The following PHACTR2 variants were observed in gnomAD, a reference collection of about 807,000 sequenced individuals.
PHACTR2 encodes the protein chromosome 6 open reading frame 56.
Under a neutral mutation model 76.0 loss-of-function variants are expected in PHACTR2, and 30 were observed. The ratio of observed to expected loss-of-function variants is 0.39; its 90% confidence interval spans 0.30 to 0.54. The LOEUF (loss-of-function observed/expected upper bound fraction) is 0.54. PHACTR2 is among the 20% of genes least tolerant of loss of function. The pLI is 0.61. For synonymous variants in PHACTR2, 292 were observed against 292.5 expected, an observed-to-expected ratio of 1.00 and a Z score of 0.02; for missense variants, 696 against 781.1, an observed-to-expected ratio of 0.89 and a Z score of 1.30.
intron 1 of PHACTR2, among the ~76,000 whole-genome samples, chr6:143,609,484 G>C (rs989671543): frequency 1.3e-5 from 2 of 152,150 alleles, no homozygotes; most frequent in African/African-American, 4.8e-5. Flanking sequence ...AGTAGCAGGA[G>C]TGAAGCTGGA....
At position 143,777,464 on chromosome 6, in the gene PHACTR2, A is replaced by T; in HGVS notation, c.1645+81A>T. ...TACAGATGATCGATTTATCAGTAAG[A>T]AACCATCATATATTCATTTACTCAA... On this transcript the variant is annotated intron_variant, in intron 9 of 12. Transcript: ENST00000440869. This position sits in a 1 kb window ranked among gnomAD's most constrained non-coding sequence, Gnocchi z 4.6. The T allele has an allele frequency of 1.6e-6, 1 of 622,498 alleles. No individual in the cohort carries two copies. Among genetic ancestry groups the T allele is most frequent in the Non-Finnish European group, 2.7e-6 (1 of 364,752 alleles). 38.6% of individuals were successfully genotyped at this position (622,498 alleles called of 1,614,324 possible). A position where few individuals can be genotyped will look rare whatever the true frequency, so the allele number is the denominator to read the frequency against.
At chr6:143,631,877 A>G (rs1776368526) in intron 1 of PHACTR2, among the ~76,000 whole-genome samples, 1 of 152,222 alleles carries the variant, frequency 6.6e-6, no homozygotes, top group Non-Finnish European at 1.5e-5. Context: ...TTTATTTGGC[A>G]GTCCCTTTTT....
chr6:143,551,773 G>A (rs13192886), intron 1 of PHACTR2, among the ~76,000 whole-genome samples: 1 of 152,182 alleles, frequency 6.6e-6, no homozygotes, highest in Non-Finnish European at 1.5e-5. Context: ...TTTGTTATCT[G>A]TGGTTGATAT....
At position 143,537,004 on chromosome 6, in the gene PHACTR2, G is replaced by T; in HGVS notation, c.14G>T (p.Gly5Val). Residue 5 changes from glycine to valine, a missense_variant, in exon 1 of 12, where the codon GGC (glycine) becomes GTC (valine). By Grantham distance (109) the Gly-to-Val change is moderately radical. Coordinates refer to the PHACTR2 transcript ENST00000367584. The surrounding 1 kb of genome is among the most constrained non-coding windows in gnomAD (Gnocchi z 4.4). ...CGCCGGGAGCCGATGGCCGAGGCGGGCTGGCGCCCCGCGGCGTCCCCGGTC... is the reference window on the plus strand; with the variant it reads ...CGCCGGGAGCCGATGGCCGAGGCGGTCTGGCGCCCCGCGGCGTCCCCGGTC... The T allele has an allele frequency of 6.2e-6, 1 of 162,352 alleles. No individual in the cohort carries two copies. The highest frequency in any genetic ancestry group is 1.3e-5 in the Non-Finnish European group (1 of 76,198). 10.1% of individuals were successfully genotyped at this position (162,352 alleles called of 1,614,324 possible).
rs1776009128 is a variant in PHACTR2 at position 143,803,667 on chromosome 6, C to T, written c.1846-3390C>T. ...CATCGAACGATTTTTTGGCCAACAA[C>T]TGTTTGAGAATGATGTTAACATCAC... On this transcript the variant is annotated intron_variant, in intron 11 of 12. Coordinates refer to ENST00000440869, the MANE Select transcript of PHACTR2 (RefSeq NM_001100164.2). The surrounding 1 kb of genome is among the most constrained non-coding windows in gnomAD (Gnocchi z 4.7). 6.6e-6 allele frequency among the ~76,000 whole-genome samples: 1 copy of T among 152,130 alleles called. No homozygotes were observed. Among genetic ancestry groups the T allele is most frequent in the East Asian group, 1.9e-4 (1 of 5,200 alleles).
intron 2 of PHACTR2, among the ~76,000 whole-genome samples, chr6:143,735,843 A>T (rs1778805219): frequency 6.6e-6 from 1 of 152,194 alleles, no homozygotes. Context: ...TAATTTCTAT[A>T]TGTGTAGCAT....
At chr6:143,713,864 G>A (rs1229737530) in intron 2 of PHACTR2, among the ~76,000 whole-genome samples, 5 of 152,104 alleles carry the variant, frequency 3.3e-5, no homozygotes, top group Non-Finnish European at 5.9e-5. Context: ...GGCTCTTCAC[G>A]TTACCAAGAC....
In PHACTR2 at chr6:143,767,282, C is replaced by A. The variant is rs543828430; in HGVS notation, c.1232+1484C>A. Among the ~76,000 whole-genome samples, 46 of 152,290 alleles carry A rather than the reference C, an allele frequency of 3.0e-4. No homozygotes were observed. In the South Asian group the frequency reaches 7.2e-3, roughly 24 times the overall value. On this transcript the variant is annotated intron_variant, in intron 6 of 12. Transcript: ENST00000440869. This position sits in a 1 kb window ranked among gnomAD's most constrained non-coding sequence, Gnocchi z 4.4. ...GGTGGTGGTGAAGCCAGAATGCATA[C>A]CCAATTCCATGCTCTGAATGAATAA...
chr6:143,674,753 C>T (rs1269147560), upstream of PHACTR2, among the ~76,000 whole-genome samples: 1 of 152,148 alleles, frequency 6.6e-6, no homozygotes, highest in African/African-American at 2.4e-5. The surrounding 1 kb of genome is among the most constrained non-coding windows in gnomAD (Gnocchi z 4.9). Flanking sequence ...AGGAAGGTTC[C>T]TTCTTCTTCC....
rs560987757 is a variant in PHACTR2, at chr6:143,656,628, G to A, written c.13+48306G>A. ...GGATACAGGTAGATGAATGAATATT[G>A]TAGTTGAGTAAATATTACACCCGGT... On this transcript the variant is annotated intron_variant, in intron 1 of 11. Coordinates refer to the PHACTR2 transcript ENST00000305766. This position sits in a 1 kb window ranked among gnomAD's most constrained non-coding sequence, Gnocchi z 5.3. 3.8e-4 allele frequency among the ~76,000 whole-genome samples: 58 copies of A among 152,174 alleles called. No individual in the cohort carries two copies. The highest frequency in any genetic ancestry group is 1.3e-3 in the African/African-American group (52 of 41,526).
Position 143,562,597 on chromosome 6 carries a change from C to T in PHACTR2, c.217+25390C>T, listed in dbSNP as rs1775296438. On this transcript the variant is annotated intron_variant, in intron 1 of 11. Coordinates refer to the PHACTR2 transcript ENST00000367584. This position sits in a 1 kb window ranked among gnomAD's most constrained non-coding sequence, Gnocchi z 5.1. The stretch of plus-strand genomic sequence containing the variant: ...ATATCCAAACTATATCACTTGACTG[C>T]CTCTCCAGTGTGACTCTGAGTTTCA... 6.6e-6 allele frequency among the ~76,000 whole-genome samples: 1 copy of T among 152,096 alleles called. No individual in the cohort carries two copies. Among genetic ancestry groups the T allele is most frequent in the South Asian group, 2.1e-4 (1 of 4,814 alleles).
In PHACTR2 at chr6:143,823,556, C is replaced by A; in HGVS notation, c.1923-118C>A. 1 of 682,686 alleles carries A rather than the reference C, an allele frequency of 1.5e-6. No individual in the cohort carries two copies. Among genetic ancestry groups the A allele is most frequent in the South Asian group, 1.8e-5 (1 of 54,288 alleles). The allele number at this position is 682,686 out of a possible 1,614,324, so 42.3% of individuals were successfully genotyped here. On this transcript the variant is annotated intron_variant, in intron 12 of 12. Transcript: ENST00000440869. This position sits in a 1 kb window ranked among gnomAD's most constrained non-coding sequence, Gnocchi z 5.7. ...TGACAGAAATTTGTAAACAGTAATT[C>A]AGTTGGGGGATATCTGGGGTACCTT...
chr6:143,725,401 C>T (rs532051600), intron 2 of PHACTR2, among the ~76,000 whole-genome samples: 1 of 149,752 alleles, frequency 6.7e-6, no homozygotes, highest in Non-Finnish European at 1.5e-5. Flanking sequence ...GGGGTTTCAC[C>T]ATGTTAGCCA....
At position 143,730,905 on chromosome 6, in the gene PHACTR2, A is replaced by ACG. The variant is rs1775784498; in HGVS notation, c.215-18079_215-18078insGC. Among the ~76,000 whole-genome samples the ACG allele has an allele frequency of 6.6e-6, 1 of 151,812 alleles. No homozygotes were observed. The highest frequency in any genetic ancestry group is 1.5e-5 in the Non-Finnish European group (1 of 67,906). ...TGGGACTACAGGCACGTGCCACTGC[A>ACG]CCTGGCTAATTTTTGTATTTTTAGT... is the stretch of plus-strand genomic sequence containing the variant. On this transcript the variant is annotated intron_variant, in intron 2 of 12. Coordinates refer to ENST00000440869, the MANE Select transcript of PHACTR2 (RefSeq NM_001100164.2). This position sits in a 1 kb window ranked among gnomAD's most constrained non-coding sequence, Gnocchi z 4.8.
chr6:143,779,845 C>G (rs1775376906), intron 9 of PHACTR2, among the ~76,000 whole-genome samples: 1 of 150,634 alleles, frequency 6.6e-6, no homozygotes, highest in African/African-American at 2.4e-5. Flanking sequence ...GATGTCTTTC[C>G]TAATTATTTT....
upstream of PHACTR2, among the ~76,000 whole-genome samples, chr6:143,607,487 C>G (rs1775895138): frequency 6.6e-6 from 1 of 152,210 alleles, no homozygotes; most frequent in African/African-American, 2.4e-5. Context: ...CTTCACATTT[C>G]TTTAGCCACA....
rs1455963383 is a variant in PHACTR2 at position 143,587,990 on chromosome 6, C to T, written c.217+50783C>T. ...ATCGTGCCATTGCCCTCCAGCCTGGCAACAAGAGTGAAACTCTGTCTCTAA... is the reference window on the plus strand; with the variant it reads ...ATCGTGCCATTGCCCTCCAGCCTGGTAACAAGAGTGAAACTCTGTCTCTAA... On this transcript the variant is annotated intron_variant, in intron 1 of 11. Transcript: ENST00000367584. 2.8e-5 allele frequency among the ~76,000 whole-genome samples: 4 copies of T among 141,910 alleles called. No individual in the cohort carries two copies. In the East Asian group the frequency reaches 7.8e-4, roughly 28 times the overall value. 93.1% of individuals were successfully genotyped at this position (141,910 alleles called of 152,430 possible).
At chr6:143,677,622 G>A (rs1298802308), upstream of PHACTR2, among the ~76,000 whole-genome samples, 1 of 152,204 alleles carries the variant, frequency 6.6e-6, no homozygotes. Flanking sequence ...CAAGACATGA[G>A]AGTGCCACAA....
chr6:143,559,030 C>T (rs1269667685), intron 1 of PHACTR2, among the ~76,000 whole-genome samples: 1 of 152,192 alleles, frequency 6.6e-6, no homozygotes, highest in Non-Finnish European at 1.5e-5. Flanking sequence ...TTAGCCCCCT[C>T]GGCCCATCTT....
Sources: gnomAD v4.1 joint callset for allele counts (sites outside exome capture counted in the v4.1 genomes callset) on GRCh38, gnomAD v4.1.1 for gene constraint, Gnocchi (gnomAD v3.1) non-coding constraint, MANE v1.5 for transcripts, NCBI Gene and HGNC (gene_info 2026-07-23, HGNC 2026-07-21) for gene names.